Variants in GUCY2D observed in about 807,000 individuals in gnomAD.
The protein encoded by GUCY2D is retinal guanylyl cyclase 1.
GUCY2D carries 70 observed loss-of-function variants against 101.3 expected under a neutral mutation model. The observed-to-expected ratio is 0.69, with a 90% CI of 0.57 to 0.84. The LOEUF (loss-of-function observed/expected upper bound fraction) is 0.84, where lower values mean the gene tolerates loss of function less well. Ranked by LOEUF, GUCY2D falls within the 40% of genes least tolerant of loss-of-function variation. The pLI, the probability that GUCY2D is intolerant of heterozygous loss-of-function variation, is 0.00. For synonymous variants in GUCY2D, 688 were observed against 670.7 expected, an observed-to-expected ratio of 1.03 and a Z score of -0.40; for missense variants, 1,460 against 1,542.5, an observed-to-expected ratio of 0.95 and a Z score of 0.90.
At position 8,011,304 on chromosome 17, in the gene GUCY2D, A is replaced by G. The variant is rs978150894; in HGVS notation, c.1750-840A>G. 6.6e-6 allele frequency among the ~76,000 whole-genome samples: 1 copy of G among 152,106 alleles called. No individual in the cohort carries two copies. Among genetic ancestry groups the G allele is most frequent in the African/African-American group, 2.4e-5 (1 of 41,396 alleles). Reference sequence around the variant, plus strand: ...TGAGACGGGAGAATCGCTTGAGCTCAGGATGCGGAGGTTGCAGTGACCCGA... The same window carrying G: ...TGAGACGGGAGAATCGCTTGAGCTCGGGATGCGGAGGTTGCAGTGACCCGA... On this transcript the variant is annotated intron_variant, in intron 8 of 19. Coordinates refer to ENST00000254854, the MANE Select transcript of GUCY2D (RefSeq NM_000180.4). This position sits in a 1 kb window ranked among gnomAD's most constrained non-coding sequence, Gnocchi z 4.3.
chr17:8,009,780 C>A (rs1245320764), intron 8 of GUCY2D, among the ~76,000 whole-genome samples, 194 bp downstream of exon 8: 2 of 152,030 alleles, frequency 1.3e-5, no homozygotes, highest in African/African-American at 4.8e-5. Flanking sequence ...AGTTCAAGAC[C>A]AGCCTGGGCA....
chr17:8,010,693 A>G (rs2151801872), intron 8 of GUCY2D, among the ~76,000 whole-genome samples: 1 of 151,752 alleles, frequency 6.6e-6, no homozygotes, highest in South Asian at 2.1e-4. Flanking sequence ...CTGTAGTCCC[A>G]GCTACTGTGG....
At chr17:8,018,491 A>G (rs1015219658) in intron 19 of GUCY2D, among the ~76,000 whole-genome samples, 1 of 152,222 alleles carries the variant, frequency 6.6e-6, no homozygotes, top group Non-Finnish European at 1.5e-5. Flanking sequence ...AAGCCAGGCT[A>G]CAAACTAGCC....
rs1413482493 is a variant in GUCY2D, at chr17:8,009,488, C to T, written c.1669-18C>T. ...TTTTAAGAGACTGAGTTCCCTACCC[C>T]CATCCTCTTTGCTGCAGGGAGACAG... is the stretch of plus-strand genomic sequence containing the variant. On this transcript the variant is annotated intron_variant, in intron 7 of 19. Transcript: ENST00000254854. 6.4e-7 allele frequency: 1 copy of T among 1,559,510 alleles called. No homozygotes were observed. Among genetic ancestry groups the T allele is most frequent in the Admixed American group, 1.7e-5 (1 of 59,966 alleles).
At position 8,002,995 on chromosome 17, in the gene GUCY2D, G is replaced by T; in HGVS notation, c.-9-44G>T. ...GGGTTACGGGGAGAACCCTAGGGGAGGCCGGGGTCTCAGTCGCTCAGCCTG... is the reference window on the plus strand; with the variant it reads ...GGGTTACGGGGAGAACCCTAGGGGATGCCGGGGTCTCAGTCGCTCAGCCTG... On this transcript the variant is annotated intron_variant, in intron 1 of 19. Transcript: ENST00000254854. The surrounding 1 kb of genome is among the most constrained non-coding windows in gnomAD (Gnocchi z 4.9). 2 of 1,452,324 alleles carry T rather than the reference G, an allele frequency of 1.4e-6. No homozygotes were observed. The highest frequency in any genetic ancestry group is 2.5e-5 in the South Asian group (2 of 80,174). 90.0% of individuals were successfully genotyped at this position (1,452,324 alleles called of 1,614,324 possible).
intron 8 of GUCY2D, among the ~76,000 whole-genome samples, chr17:8,010,533 G>A (rs1009159952): frequency 6.6e-5 from 10 of 152,226 alleles, no homozygotes; most frequent in Middle Eastern, 6.8e-3. Flanking sequence ...GTATCTGGGC[G>A]CGGTGGCTCA....
chr17:8,019,587 GGAGAA>G (rs1976036009), intron 19 of GUCY2D, among the ~76,000 whole-genome samples: 1 of 152,114 alleles, frequency 6.6e-6, no homozygotes, highest in Admixed American at 6.5e-5. Flanking sequence ...AGATCTAGTG[GGAGAA>G]GAGAAGGCAA....
Position 8,011,796 on chromosome 17 carries a change from T to A in GUCY2D, c.1750-348T>A, listed in dbSNP as rs1347498134. ...GTGATTTATGATCATGCCGCTGCAC[T>A]CCAGTCTGGGCAACAGAGTGAGACC... On this transcript the variant is annotated intron_variant, in intron 8 of 19. Coordinates refer to ENST00000254854, the MANE Select transcript of GUCY2D (RefSeq NM_000180.4). The surrounding 1 kb of genome is among the most constrained non-coding windows in gnomAD (Gnocchi z 4.3). Among the ~76,000 whole-genome samples, 1 of 152,118 alleles carries A rather than the reference T, an allele frequency of 6.6e-6. No individual in the cohort carries two copies. The highest frequency in any genetic ancestry group is 1.5e-5 in the Non-Finnish European group (1 of 68,024).
intron 15 of GUCY2D, 64 bp from the exon 16 acceptor site, chr17:8,015,679 G>A (rs1398462915): frequency 7.6e-7 from 1 of 1,312,598 alleles, no homozygotes; most frequent in East Asian, 2.5e-5. Flanking sequence ...ATCCCCCGAG[G>A]CCCTACCTAG....
Position 8,007,215 on chromosome 17 carries a change from G to A in GUCY2D, c.1463+71G>A. On this transcript the variant is annotated intron_variant, in intron 5 of 19. Transcript: ENST00000254854. ...ATGGAAGTCTGCAGCAAAAACAGCA[G>A]GCTGGGTTCACTCAGGAGTAGAGGA... 2.4e-6 allele frequency: 3 copies of A among 1,231,610 alleles called. No individual in the cohort carries two copies. The South Asian group carries it at 3.6e-5, about 15-fold the overall frequency. The allele number at this position is 1,231,610 out of a possible 1,614,324, so 76.3% of individuals were successfully genotyped here.
At chr17:8,016,401 G>C in intron 18 of GUCY2D, 42 bp from the exon 19 acceptor site, 1 of 1,462,604 alleles carries the variant, frequency 6.8e-7, no homozygotes, top group South Asian at 1.2e-5. Flanking sequence ...GCCCTCCCAC[G>C]CCCCATTCCC....
At position 8,012,573 on chromosome 17, in the gene GUCY2D, C is replaced by T. The variant is rs61750164; in HGVS notation, c.2080C>T (p.Gln694Ter). 3.1e-6 allele frequency: 5 copies of T among 1,613,942 alleles called. No homozygotes were observed. The highest frequency in any genetic ancestry group is 1.1e-5 in the South Asian group (1 of 91,088). The change falls in exon 10 of 20, where the codon CAG becomes TAG. Residue 694 changes from glutamine (Q) to a stop codon, truncating the protein, a stop_gained. Coordinates refer to ENST00000254854, the MANE Select transcript of GUCY2D (RefSeq NM_000180.4). LOFTEE classifies it high-confidence loss of function. Reference sequence around the variant, plus strand: ...CGGCCACGGGAGACTGCTGGAAGCACAGAAGGTGCTACCGGAGCCTCCCAG... The same window carrying T: ...CGGCCACGGGAGACTGCTGGAAGCATAGAAGGTGCTACCGGAGCCTCCCAG... ...DHGHGRLLEA[Q>*]KVLPEPPRAE...
At chr17:8,008,957 GCTC>G (rs1177202941) in intron 7 of GUCY2D, among the ~76,000 whole-genome samples, 1 of 152,206 alleles carries the variant, frequency 6.6e-6, no homozygotes. Context: ...GAAATGAGGG[GCTC>G]CTCGTTCATT....
At position 8,003,237 on chromosome 17, in the gene GUCY2D, T is replaced by C; in HGVS notation, c.190T>C (p.Cys64Arg). The change falls in exon 2 of 20, where the codon TGC becomes CGC. Residue 64 changes from cysteine (C) to arginine (R), a missense_variant. Coordinates refer to ENST00000254854, the MANE Select transcript of GUCY2D (RefSeq NM_000180.4). ...FTVGVLGPWA[C>R]DPIFSRARPD... ...GGTGGGGGTCCTGGGCCCCTGGGCTTGCGACCCCATCTTCTCTCGGGCTCG... is the reference window on the plus strand; with the variant it reads ...GGTGGGGGTCCTGGGCCCCTGGGCTCGCGACCCCATCTTCTCTCGGGCTCG... The C allele has an allele frequency of 6.6e-7, 1 of 1,517,390 alleles. No homozygotes were observed. The highest frequency in any genetic ancestry group is 8.8e-7 in the Non-Finnish European group (1 of 1,137,650). The allele number at this position is 1,517,390 out of a possible 1,614,324, so 94.0% of individuals were successfully genotyped here.
rs749607771 is a variant in GUCY2D, at chr17:8,006,456, T to C, written c.1120T>C (p.Ser374Pro). Reference sequence around the variant, plus strand: ...GGCTGCCGCAGGTGGCAGATGGGTGTCCGGAGCAGCTGTGGCCCGCCACAT... The same window carrying C: ...GGCTGCCGCAGGTGGCAGATGGGTGCCCGGAGCAGCTGTGGCCCGCCACAT... ...ARAAAGGRWV[S>P]GAAVARHIRD... The change falls in exon 4 of 20, where the codon TCC becomes CCC. Residue 374 changes from serine to proline, a missense_variant. Ser to Pro is a moderately conservative substitution (Grantham distance 74, BLOSUM62 -1). Coordinates refer to ENST00000254854, the MANE Select transcript of GUCY2D (RefSeq NM_000180.4). 1 of 1,605,362 alleles carries C rather than the reference T, an allele frequency of 6.2e-7. No individual in the cohort carries two copies. The highest frequency in any genetic ancestry group is 8.5e-7 in the Non-Finnish European group (1 of 1,179,954).
At chr17:8,017,623 A>G (rs1353509719) in intron 19 of GUCY2D, among the ~76,000 whole-genome samples, 1 of 152,244 alleles carries the variant, frequency 6.6e-6, no homozygotes, top group Non-Finnish European at 1.5e-5. Flanking sequence ...CAGAACATCC[A>G]AAGAGCGGCA....
chr17:8,007,490 A>G lies in GUCY2D; in HGVS notation c.1528A>G (p.Ile510Val). 2 of 1,613,010 alleles carry G rather than the reference A, an allele frequency of 1.2e-6. No homozygotes were observed. The highest frequency in any genetic ancestry group is 1.7e-6 in the Non-Finnish European group (2 of 1,178,960). ...PNKIILTVDDITFLHPHGGTS... is the reference protein window; with the variant it reads ...PNKIILTVDDVTFLHPHGGTS... ...CAAGATCATCCTGACCGTGGACGAC[A>G]TCACCTTTCTCCACCCACATGGGGG... is the stretch of plus-strand genomic sequence containing the variant. The change falls in exon 6 of 20, where the codon ATC becomes GTC. Residue 510 changes from isoleucine to valine, a missense_variant. Ile to Val is a conservative substitution (Grantham distance 29). Around this residue, in one of 3 missense-constraint regions of GUCY2D, gnomAD observed 1,196 missense variants for 1,229.6 expected, o/e 0.97. Coordinates refer to ENST00000254854, the MANE Select transcript of GUCY2D (RefSeq NM_000180.4).
rs998657543 is a variant in GUCY2D, at chr17:8,003,043, C to G, written c.-5C>G. On this transcript the variant is annotated 5_prime_UTR_variant, in exon 2 of 20. Transcript: ENST00000254854. ...CTGCTCCGTCTGTGTTCGCAGAAGC[C>G]GGCAATGACCGCCTGCGCCCGCCGA... 3.3e-6 allele frequency: 5 copies of G among 1,524,804 alleles called. No individual in the cohort carries two copies. Among genetic ancestry groups the G allele is most frequent in the Non-Finnish European group, 4.4e-6 (5 of 1,142,568 alleles). The allele number at this position is 1,524,804 out of a possible 1,614,324, so 94.5% of individuals were successfully genotyped here. A position where few individuals can be genotyped will look rare whatever the true frequency, so the allele number is the denominator to read the frequency against.
chr17:8,013,167 C>T lies in GUCY2D; in HGVS notation c.2178C>T (p.Ala726=), dbSNP rs377648185. 5.8e-5 allele frequency: 94 copies of T among 1,613,868 alleles called. No homozygotes were observed. The highest frequency in any genetic ancestry group is 1.8e-4 in the Admixed American group (11 of 59,996). ...DPALERRGTL[A]GDVFSLAIIM... ...CCCTGGAGCGCCGGGGAACGCTGGC[C>T]GGCGACGTCTTTAGCTTGGCCATCA... Residue 726 remains alanine, a synonymous_variant, in exon 11 of 20, where the codon GCC becomes GCT. Coordinates refer to ENST00000254854, the MANE Select transcript of GUCY2D (RefSeq NM_000180.4). This position sits in a 1 kb window ranked among gnomAD's most constrained non-coding sequence, Gnocchi z 5.0.
Sources: allele counts gnomAD v4.1 joint callset (sites outside exome capture counted in the v4.1 genomes callset), GRCh38; gene constraint gnomAD v4.1.1; regional missense constraint gnomAD v4.1.1; non-coding constraint Gnocchi (gnomAD v3.1); transcripts MANE v1.5; gene names NCBI Gene and HGNC (gene_info 2026-07-23, HGNC 2026-07-21).